Variants in ZBED6 observed in about 807,000 individuals in gnomAD.
The protein encoded by ZBED6 is zinc finger BED domain-containing protein 6.
A neutral mutation model predicts 58.4 loss-of-function variants in ZBED6; 40 were observed. The ratio of observed to expected loss-of-function variants is 0.68; its 90% confidence interval spans 0.53 to 0.89. The LOEUF is 0.89. Among genes scored for constraint, ZBED6 ranks in the 40% least tolerant of loss-of-function variants. The probability of loss-of-function intolerance (pLI) is 0.00; values close to 1 mark genes in which losing one functional copy is unlikely to be tolerated. For synonymous variants in ZBED6, 439 were observed against 350.6 expected (o/e 1.25, Z -2.82); for missense variants, 1,057 against 1,003.9 (o/e 1.05, Z -0.71).
chr1:203,825,483 G>A (rs944961325), intron 3 of ZBED6, among the ~76,000 whole-genome samples: 1 of 141,622 alleles, frequency 7.1e-6, no homozygotes, highest in African/African-American at 2.7e-5. Flanking sequence ...CACCCAGGCT[G>A]GAGTGCAGTG....
chr1:203,836,445 T>G (rs924205629), intron 9 of ZBED6, among the ~76,000 whole-genome samples: 1 of 152,154 alleles, frequency 6.6e-6, no homozygotes, highest in African/African-American at 2.4e-5. Context: ...CAACTTGTAT[T>G]GAACAGTGTA....
intron 2 of ZBED6, among the ~76,000 whole-genome samples, chr1:203,817,584 C>A (rs905547412): frequency 6.6e-6 from 1 of 152,006 alleles, no homozygotes; most frequent in African/African-American, 2.4e-5. Context: ...AGTCATCATA[C>A]TAAATATGCT....
At chr1:203,805,143 ATTT>A (rs148879848) in intron 1 of ZBED6, among the ~76,000 whole-genome samples, 48 of 131,418 alleles carry the variant, frequency 3.7e-4, no homozygotes, top group South Asian at 7.4e-4. Flanking sequence ...TACAGTAGTG[ATTT>A]TTTTTTTTTT....
At chr1:203,819,527 CA>C (rs1223271348) in intron 3 of ZBED6, among the ~76,000 whole-genome samples, 23 of 71,196 alleles carry the variant, frequency 3.2e-4, no homozygotes, top group Admixed American at 1.2e-3. Flanking sequence ...CAGCTGACTC[CA>C]ATTTTTTTTT....
In ZBED6 at chr1:203,796,027, C is replaced by A. The variant is rs1333648105; in HGVS notation, c.-1496C>A. 2.1e-5 allele frequency: 3 copies of A among 145,972 alleles called. 1 individual carries two copies. The South Asian group carries it at 6.7e-4, about 33-fold the overall frequency. 9.0% of individuals were successfully genotyped at this position (145,972 alleles called of 1,614,324 possible). The stretch of plus-strand genomic sequence containing the variant: ...TCCCGCTCACTTTTCCCATCCTCCC[C>A]ACCCCCACCCCGTTCACCCCACCCC... On this transcript the variant is annotated 5_prime_UTR_variant, in exon 1 of 17. Transcript: ENST00000550078.
rs74467169 is a variant in ZBED6, at chr1:203,847,729, A to G, written c.*4245+42A>G. 4.9e-4 allele frequency: 771 copies of G among 1,587,080 alleles called. 7 individuals carry two copies. In the East Asian group the frequency reaches 0.013, roughly 26 times the overall value. On this transcript the variant is annotated intron_variant, in intron 12 of 16. Transcript: ENST00000550078. ...GTCTCTAGTACCACGTCCCCACATA[A>G]TATTCCAGAGGAGTGTTCCGTGGGA...
At chr1:203,829,979 T>C (rs541001375) in intron 6 of ZBED6, 83 bp downstream of exon 6, 484 of 1,414,632 alleles carry the variant, frequency 3.4e-4, no homozygotes, top group Non-Finnish European at 4.6e-4. Flanking sequence ...GACCTCCCTC[T>C]TCTTTTTCCC....
chr1:203,850,821 A>G (rs1343969683), intron 15 of ZBED6, 140 bp downstream of exon 15: 2 of 1,272,816 alleles, frequency 1.6e-6, no homozygotes, highest in Non-Finnish European at 2.2e-6. Context: ...TTACTACTGT[A>G]TTTTATACTT....
intron 9 of ZBED6, among the ~76,000 whole-genome samples, chr1:203,834,464 G>A (rs1047146596): frequency 2.6e-5 from 4 of 152,064 alleles, no homozygotes; most frequent in African/African-American, 7.2e-5. Context: ...TAGTGATAGG[G>A]TTTCACCATG....
At position 203,806,345 on chromosome 1, in the gene ZBED6, G is replaced by A. The variant is rs150330488; in HGVS notation, c.*2554+3329G>A. 292 of 213,278 alleles carry A rather than the reference G, an allele frequency of 1.4e-3. 2 individuals are homozygous for A. The highest frequency in any genetic ancestry group is 6.5e-3 in the African/African-American group (273 of 41,926). 13.2% of individuals were successfully genotyped at this position (213,278 alleles called of 1,614,324 possible). ...GAGACGGAGTCTCGCTCTGTCACTA[G>A]GCTGGAGTTCAAGTGGCATAATCTT... On this transcript the variant is annotated intron_variant, in intron 1 of 16. Coordinates refer to ENST00000550078, the Ensembl canonical transcript of ZBED6.
chr1:203,804,152 G>GTT (rs74546279), intron 1 of ZBED6, among the ~76,000 whole-genome samples: 20 of 105,150 alleles, frequency 1.9e-4, no homozygotes, highest in Admixed American at 6.0e-4. Flanking sequence ...CTGTATATGT[G>GTT]TTTTTTTTTT....
chr1:203,828,451 T>C (rs368252802), intron 4 of ZBED6, 29 bp downstream of exon 4: 168 of 1,578,772 alleles, frequency 1.1e-4, no homozygotes, highest in Non-Finnish European at 1.4e-4. Flanking sequence ...TTTAAAAGAA[T>C]ATCAAATGAA....
exon 2 of ZBED6, chr1:203,817,056 A>G: frequency 1.2e-6 from 2 of 1,600,466 alleles, no homozygotes; most frequent in Non-Finnish European, 1.7e-6. Flanking sequence ...CTTCTGATCT[A>G]AGAATCTACC....
chr1:203,839,553 C>T lies in ZBED6; in HGVS notation c.*3673-753C>T, dbSNP rs375706694. The stretch of plus-strand genomic sequence containing the variant: ...TGCCCAAGGGACTTTGATGAGTAGA[C>T]GTTCCTGTTTGGAGGTTTTCTTGCA... On this transcript the variant is annotated intron_variant, in intron 10 of 16. Transcript: ENST00000550078. Among the ~76,000 whole-genome samples, 50 of 152,232 alleles carry T rather than the reference C, an allele frequency of 3.3e-4. No homozygotes were observed. The East Asian group carries it at 5.4e-3, about 16-fold the overall frequency.
chr1:203,805,817 A>G (rs1327177540), intron 1 of ZBED6: 4 of 864,100 alleles, frequency 4.6e-6, no homozygotes, highest in African/African-American at 1.7e-5. Context: ...GGGCCGCCAT[A>G]ACTGCGACTC....
intron 1 of ZBED6, among the ~76,000 whole-genome samples, chr1:203,804,898 C>G (rs1430706237): frequency 6.6e-6 from 1 of 150,500 alleles, no homozygotes; most frequent in Non-Finnish European, 1.5e-5. Context: ...GTCTCAAACT[C>G]CTGACCTCAG....
chr1:203,843,160 C>T (rs1686949311), intron 11 of ZBED6, among the ~76,000 whole-genome samples: 1 of 152,060 alleles, frequency 6.6e-6, no homozygotes, highest in South Asian at 2.1e-4. Flanking sequence ...TTATCTCTCC[C>T]TAGTATGCTG....
chr1:203,823,304 C>G (rs1679386737), intron 3 of ZBED6, among the ~76,000 whole-genome samples: 1 of 152,032 alleles, frequency 6.6e-6, no homozygotes, highest in Non-Finnish European at 1.5e-5. Flanking sequence ...TATGCCCACT[C>G]CCTTTAGGGG....
chr1:203,848,787 C>T (rs765570831), intron 13 of ZBED6, among the ~76,000 whole-genome samples: 10 of 152,084 alleles, frequency 6.6e-5, no homozygotes, highest in Non-Finnish European at 1.2e-4. Flanking sequence ...TGAGTTTTTT[C>T]TAATGCTATG....
Sources: allele counts gnomAD v4.1 joint callset (sites outside exome capture counted in the v4.1 genomes callset), GRCh38; gene constraint gnomAD v4.1.1; transcripts MANE v1.5; gene names NCBI Gene and HGNC (gene_info 2026-07-23, HGNC 2026-07-21).